Variants in MACROD2 observed in about 807,000 individuals in gnomAD.
MACROD2 encodes the protein ADP-ribose glycohydrolase MACROD2.
In MACROD2, 36 loss-of-function variants were observed where a neutral mutation model predicts 70.4. The observed-to-expected ratio is 0.51, with a 90% CI of 0.39 to 0.68. The LOEUF is 0.68. Ranked by LOEUF, MACROD2 falls within the 30% of genes least tolerant of loss-of-function variation. MACROD2 has a pLI of 0.00. For missense variants in MACROD2, 496 were observed against 538.4 expected, an observed-to-expected ratio of 0.92 and a Z score of 0.78; for synonymous variants, 172 against 178.8, an observed-to-expected ratio of 0.96 and a Z score of 0.30.
intron 3 of MACROD2, among the ~76,000 whole-genome samples, chr20:14,105,134 T>C (rs1436662998): frequency 6.6e-6 from 1 of 152,300 alleles, no homozygotes; most frequent in Non-Finnish European, 1.5e-5. Flanking sequence ...TTGTCTCTCC[T>C]GTAGGAATAC....
At chr20:15,190,400 A>G (rs78735633) in intron 5 of MACROD2, among the ~76,000 whole-genome samples, 1,978 of 152,242 alleles carry the variant, frequency 0.013, 38 homozygotes, top group African/African-American at 0.044. Flanking sequence ...TCCCCTCAGT[A>G]GAGGCCATTC....
chr20:15,864,676 T>C (rs933812469), intron 9 of MACROD2, among the ~76,000 whole-genome samples: 2 of 152,100 alleles, frequency 1.3e-5, no homozygotes, highest in Non-Finnish European at 2.9e-5. Flanking sequence ...GCAAACAAAT[T>C]ATTGTTTGAA....
chr20:15,420,127 C>T (rs1219947127), intron 6 of MACROD2, among the ~76,000 whole-genome samples: 1 of 152,144 alleles, frequency 6.6e-6, no homozygotes, highest in Admixed American at 6.5e-5. Flanking sequence ...CAAGCAAGCT[C>T]AGGCAAAAAT....
chr20:15,080,880 C>G (rs2075698109), intron 5 of MACROD2, among the ~76,000 whole-genome samples: 1 of 152,126 alleles, frequency 6.6e-6, no homozygotes, highest in Admixed American at 6.6e-5. Flanking sequence ...GTCTCTTCCT[C>G]TGTATCTCTT....
chr20:16,001,831 A>T (rs2066713446), intron 15 of MACROD2, among the ~76,000 whole-genome samples: 1 of 152,092 alleles, frequency 6.6e-6, no homozygotes, highest in Non-Finnish European at 1.5e-5. Flanking sequence ...GTAACGTATT[A>T]AGATATGGTC....
chr20:14,115,161 T>C (rs1216750537), intron 3 of MACROD2, among the ~76,000 whole-genome samples: 1 of 152,084 alleles, frequency 6.6e-6, no homozygotes, highest in Non-Finnish European at 1.5e-5. Context: ...GGTATTGGAA[T>C]CACCAAGAAG....
intron 5 of MACROD2, among the ~76,000 whole-genome samples, chr20:14,767,359 T>C (rs918210976): frequency 1.1e-4 from 16 of 152,092 alleles, no homozygotes; most frequent in African/African-American, 3.9e-4. Flanking sequence ...AAACACTAGC[T>C]GGAACCAACT....
At chr20:15,698,722 T>G (rs1248674277) in intron 8 of MACROD2, among the ~76,000 whole-genome samples, 1 of 152,126 alleles carries the variant, frequency 6.6e-6, no homozygotes, top group Non-Finnish European at 1.5e-5. Flanking sequence ...ATTCTTAGGT[T>G]TGGTCATTTA....
intron 5 of MACROD2, among the ~76,000 whole-genome samples, chr20:14,978,905 AT>A (rs144337482): frequency 6.5e-4 from 3 of 4,618 alleles, no homozygotes; most frequent in Non-Finnish European, 1.3e-3. Flanking sequence ...TATATAATAT[AT>A]TATATATAAT....
At chr20:15,020,417 T>C (rs1404883403) in intron 5 of MACROD2, among the ~76,000 whole-genome samples, 1 of 152,184 alleles carries the variant, frequency 6.6e-6, no homozygotes, top group African/African-American at 2.4e-5. Flanking sequence ...CTCTATGTTG[T>C]GATCATATTT....
intron 5 of MACROD2, among the ~76,000 whole-genome samples, chr20:14,908,155 C>T (rs2073982116): frequency 6.6e-6 from 1 of 151,834 alleles, no homozygotes; most frequent in Non-Finnish European, 1.5e-5. Context: ...ACCAGTCTGG[C>T]CAACACGGTG....
chr20:15,378,423 T>C (rs1469723396), intron 6 of MACROD2, among the ~76,000 whole-genome samples: 1 of 152,074 alleles, frequency 6.6e-6, no homozygotes, highest in East Asian at 1.9e-4. Context: ...GGGCACATGC[T>C]GGAGAAACTT....
intron 6 of MACROD2, among the ~76,000 whole-genome samples, chr20:15,345,109 T>G (rs1433527017): frequency 1.3e-5 from 2 of 152,144 alleles, no homozygotes; most frequent in Admixed American, 1.3e-4. Flanking sequence ...GAACATTAAT[T>G]AATGAGAGCT....
intron 3 of MACROD2, among the ~76,000 whole-genome samples, chr20:14,283,652 A>T (rs6033934): frequency 0.9 from 136,964 of 152,190 alleles, 61,755 homozygotes; most frequent in Non-Finnish European, 0.92. Context: ...GACAAAAGGG[A>T]GAGCACACAA....
chr20:14,859,216 C>T (rs2073288537), intron 5 of MACROD2, among the ~76,000 whole-genome samples: 1 of 151,898 alleles, frequency 6.6e-6, no homozygotes, highest in South Asian at 2.1e-4. Flanking sequence ...ACCTGTACCC[C>T]AAAAACTATT....
At chr20:14,941,947 C>G (rs2122709470) in intron 5 of MACROD2, among the ~76,000 whole-genome samples, 1 of 138,882 alleles carries the variant, frequency 7.2e-6, no homozygotes, top group Non-Finnish European at 1.6e-5. Flanking sequence ...CCATGCCCGG[C>G]TATTTTTTTT....
chr20:14,713,658 T>TG (rs2071363751), intron 5 of MACROD2, among the ~76,000 whole-genome samples: 4 of 152,192 alleles, frequency 2.6e-5, no homozygotes, highest in Admixed American at 1.3e-4. Context: ...TGAAGCATTG[T>TG]GTAGGTGCTG....
intron 5 of MACROD2, among the ~76,000 whole-genome samples, chr20:14,921,728 T>G (rs2074166200): frequency 1.8e-5 from 2 of 108,336 alleles, no homozygotes; most frequent in South Asian, 5.8e-4. Flanking sequence ...CAGGGATAAT[T>G]GTTTGGTATA....
At chr20:14,332,273 T>A (rs903645409) in intron 3 of MACROD2, among the ~76,000 whole-genome samples, 3 of 152,046 alleles carry the variant, frequency 2.0e-5, no homozygotes, top group African/African-American at 7.2e-5. Flanking sequence ...ATACACCCAA[T>A]AAAACATGTA....
Sources: gnomAD v4.1 joint callset for allele counts (sites outside exome capture counted in the v4.1 genomes callset) on GRCh38, gnomAD v4.1.1 for gene constraint, MANE v1.5 for transcripts, NCBI Gene and HGNC (gene_info 2026-07-23, HGNC 2026-07-21) for gene names.